The following EEFSEC variants were observed in gnomAD, a reference collection of about 807,000 sequenced individuals.
EEFSEC encodes the protein selenocysteine-specific elongation factor.
Under a neutral mutation model 42.1 loss-of-function variants are expected in EEFSEC, and 43 were observed. The observed-to-expected ratio is 1.02, with a 90% CI of 0.80 to 1.32. EEFSEC has a LOEUF of 1.32. Ranked by LOEUF, EEFSEC falls within the 40% of genes most tolerant of loss-of-function variation. The probability of loss-of-function intolerance (pLI) is 0.00; values close to 1 mark genes in which losing one functional copy is unlikely to be tolerated. For synonymous variants in EEFSEC, 354 were observed against 339.1 expected, an observed-to-expected ratio of 1.04 and a Z score of -0.48; for missense variants, 745 against 803.6, an observed-to-expected ratio of 0.93 and a Z score of 0.88.
intron 6 of EEFSEC, among the ~76,000 whole-genome samples, chr3:128,380,713 T>A (rs1252710162): frequency 6.6e-6 from 1 of 152,246 alleles, no homozygotes; most frequent in Non-Finnish European, 1.5e-5. Context: ...TTGACTGCTA[T>A]ATGTTATCCC....
intron 1 of EEFSEC, among the ~76,000 whole-genome samples, chr3:128,184,101 C>G (rs1221301716): frequency 6.6e-6 from 1 of 152,144 alleles, no homozygotes. Flanking sequence ...ATCTGGCCTT[C>G]CAGATACCCT....
At chr3:128,395,361 A>G (rs1336252335) in intron 6 of EEFSEC, among the ~76,000 whole-genome samples, 2 of 152,078 alleles carry the variant, frequency 1.3e-5, no homozygotes, top group African/African-American at 2.4e-5. Context: ...ATGCTGCCTC[A>G]CTGAGACCTG....
At chr3:128,418,095 ACCCACCACGTG>A in the EEFSEC span, among the ~76,000 whole-genome samples, 1 of 151,600 alleles carries the variant, frequency 6.6e-6, no homozygotes, top group South Asian at 2.1e-4. Flanking sequence ...CACCTCCCAA[ACCCACCACGTG>A]CCCACCACTG....
At chr3:128,320,387 A>G (rs913000193) in intron 4 of EEFSEC, among the ~76,000 whole-genome samples, 3 of 152,226 alleles carry the variant, frequency 2.0e-5, no homozygotes, top group Non-Finnish European at 4.4e-5. Context: ...TCGCTAATTT[A>G]TATTGAACAA....
At chr3:128,398,215 AG>A in intron 6 of EEFSEC, among the ~76,000 whole-genome samples, 1 of 152,224 alleles carries the variant, frequency 6.6e-6, no homozygotes, top group South Asian at 2.1e-4. Flanking sequence ...CCTTGGCCCT[AG>A]GGGAAGGCTG....
In EEFSEC at chr3:128,342,024, C is replaced by T. The variant is rs957456854; in HGVS notation, c.1443+135C>T. 3.7e-5 allele frequency: 47 copies of T among 1,255,632 alleles called. No homozygotes were observed. The African/African-American group carries it at 5.6e-4, about 15-fold the overall frequency. 77.8% of individuals were successfully genotyped at this position (1,255,632 alleles called of 1,614,324 possible). ...GGTGCCAACCTCTGTAGTTTCTGTA[C>T]AAGGCATCTGATGCCCAGAATGGTC... On this transcript the variant is annotated intron_variant, in intron 5 of 6. Transcript: ENST00000254730.
At chr3:128,341,143 G>A in intron 4 of EEFSEC, 90 bp from the exon 5 acceptor site, 1 of 1,480,592 alleles carries the variant, frequency 6.8e-7, no homozygotes, top group Non-Finnish European at 9.0e-7. Flanking sequence ...GTGGTGGTAA[G>A]CACAGGATTC....
intron 6 of EEFSEC, among the ~76,000 whole-genome samples, chr3:128,388,781 G>A (rs2067872726): frequency 6.6e-6 from 1 of 152,250 alleles, no homozygotes; most frequent in Admixed American, 6.5e-5. Context: ...CCTTGCAGGG[G>A]TGTTTTTTGA....
intron 6 of EEFSEC, among the ~76,000 whole-genome samples, chr3:128,377,168 T>C (rs1321129479): frequency 6.6e-6 from 1 of 152,258 alleles, no homozygotes; most frequent in Non-Finnish European, 1.5e-5. Flanking sequence ...CTTCCGTCTT[T>C]TCTCTGCAAA....
chr3:128,331,866 A>G (rs2737767), intron 4 of EEFSEC, among the ~76,000 whole-genome samples: 8 of 152,128 alleles, frequency 5.3e-5, no homozygotes, highest in Non-Finnish European at 1.2e-4. Context: ...GTAACCACCC[A>G]CTTTAGAGAA....
At chr3:128,224,794 TC>T (rs1311729625) in intron 1 of EEFSEC, among the ~76,000 whole-genome samples, 1 of 152,230 alleles carries the variant, frequency 6.6e-6, no homozygotes, top group Non-Finnish European at 1.5e-5. Flanking sequence ...TTTAGAATTT[TC>T]TTGAAAAATG....
chr3:128,412,304 C>T (rs565422253), downstream of EEFSEC, among the ~76,000 whole-genome samples: 37 of 152,342 alleles, frequency 2.4e-4, no homozygotes, highest in African/African-American at 7.5e-4. Flanking sequence ...CCTGTCAGTC[C>T]GAGCTCACTC....
intron 6 of EEFSEC, among the ~76,000 whole-genome samples, chr3:128,388,914 C>T (rs965072193): frequency 6.6e-6 from 1 of 152,230 alleles, no homozygotes; most frequent in Non-Finnish European, 1.5e-5. Context: ...GTCCACCTGA[C>T]ACCCACTCTT....
chr3:128,367,775 C>T, intron 6 of EEFSEC: 2 of 985,440 alleles, frequency 2.0e-6, no homozygotes, highest in Non-Finnish European at 2.4e-6. Context: ...CTGGCTCCAT[C>T]AGCCCTCCAA....
chr3:128,224,475 T>A (rs958523756), intron 1 of EEFSEC, among the ~76,000 whole-genome samples: 3 of 152,194 alleles, frequency 2.0e-5, no homozygotes, highest in Non-Finnish European at 2.9e-5. Context: ...TCCTATTAGA[T>A]CTGCCTTCAA....
Position 128,195,035 on chromosome 3 carries a change from C to T in EEFSEC, c.316+41212C>T, listed in dbSNP as rs555372840. 4.6e-5 allele frequency among the ~76,000 whole-genome samples: 7 copies of T among 152,278 alleles called. No homozygotes were observed. The East Asian group carries it at 1.2e-3, about 25-fold the overall frequency. ...GTCAGCCAGTGCTGCTTTTCTCCTCCTCCCACCCCTCCCCTTCTCCCACCC... is the reference window on the plus strand; with the variant it reads ...GTCAGCCAGTGCTGCTTTTCTCCTCTTCCCACCCCTCCCCTTCTCCCACCC... On this transcript the variant is annotated intron_variant, in intron 1 of 6. Coordinates refer to ENST00000254730, the MANE Select transcript of EEFSEC (RefSeq NM_021937.5).
At chr3:128,159,643 C>G (rs988207123) in intron 1 of EEFSEC, among the ~76,000 whole-genome samples, 1 of 152,168 alleles carries the variant, frequency 6.6e-6, no homozygotes, top group African/African-American at 2.4e-5. Context: ...ACGACTGCTC[C>G]CCACTCTGAC....
At chr3:128,188,870 C>T (rs2065491333) in intron 1 of EEFSEC, among the ~76,000 whole-genome samples, 1 of 152,192 alleles carries the variant, frequency 6.6e-6, no homozygotes, top group Admixed American at 6.5e-5. Flanking sequence ...TGTTGTCCTC[C>T]AGCCCCGCTC....
At chr3:128,419,189 C>A in the EEFSEC span, among the ~76,000 whole-genome samples, 1 of 152,192 alleles carries the variant, frequency 6.6e-6, no homozygotes, top group South Asian at 2.1e-4. Flanking sequence ...TGAGCACAAG[C>A]ACTCACTCAC....
Sources: allele counts gnomAD v4.1 joint callset (sites outside exome capture counted in the v4.1 genomes callset), GRCh38; gene constraint gnomAD v4.1.1; transcripts MANE v1.5; gene names NCBI Gene and HGNC (gene_info 2026-07-23, HGNC 2026-07-21).